Variants in MAP3K15 observed in about 807,000 individuals in gnomAD.
MAP3K15 encodes the protein MAPK/ERK kinase kinase 15.
In MAP3K15, 124 loss-of-function variants were observed where a neutral mutation model predicts 99.5. The ratio of observed to expected loss-of-function variants is 1.25; its 90% confidence interval spans 1.08 to 1.45. The LOEUF (loss-of-function observed/expected upper bound fraction) is 1.45, where lower values mean the gene tolerates loss of function less well. Ranked by LOEUF, MAP3K15 falls within the 40% of genes most tolerant of loss-of-function variation. The pLI is 0.00. For synonymous variants in MAP3K15, 494 were observed against 439.6 expected (o/e 1.12, Z -1.55); for missense variants, 1,242 against 1,079.7 (o/e 1.15, Z -2.11).
In MAP3K15 at chrX:19,426,304, C is replaced by A. The variant is rs374377938; in HGVS notation, c.1206G>T (p.Ser402=). The A allele has an allele frequency of 1.4e-5, 16 of 1,162,774 alleles. No homozygotes were observed. The African/African-American group carries it at 2.7e-4, about 19-fold the overall frequency. ...KGFELQSSLY[S]GINLAVLLIV... ...TCAGCAAAACTGCAAGATTAATTCC[C>A]GAATAGAGGGATGACTGGAGTTCAA... The change falls in exon 8 of 29, where the codon TCG becomes TCT. Residue 402 remains serine, a synonymous_variant. Coordinates refer to ENST00000338883, the MANE Select transcript of MAP3K15 (RefSeq NM_001001671.4).
chrX:19,401,360 G>A (rs898125039), intron 13 of MAP3K15, among the ~76,000 whole-genome samples: 6 of 110,245 alleles, frequency 5.4e-5, no homozygotes, highest in Admixed American at 9.7e-5. Flanking sequence ...CACCAAGCCC[G>A]GCTAATTTTT....
chrX:19,490,180 C>CACACACACACATAT (rs1478553894), intron 1 of MAP3K15, among the ~76,000 whole-genome samples: 10 of 95,103 alleles, frequency 1.1e-4, no homozygotes, highest in African/African-American at 3.7e-4. Flanking sequence ...CACACACACA[C>CACACACACACATAT]ACACATACAT....
At position 19,431,471 on chromosome X, in the gene MAP3K15, T is replaced by C. The variant is rs376514232; in HGVS notation, c.1133A>G (p.Lys378Arg). The change falls in exon 7 of 29, where the codon AAA becomes AGA. Residue 378 changes from lysine (K) to arginine (R), a missense_variant. Physicochemically the swap from Lys to Arg is conservative, Grantham distance 26. Transcript: ENST00000338883. ...YKDIFLDSDC[K>R]DDTSRDSAIE... The stretch of plus-strand genomic sequence containing the variant: ...GGCGCTGTCGCGGCTGGTGTCATCT[T>C]TGCAGTCTGAATCCAAGAAGATGTC... 7.5e-6 allele frequency: 9 copies of C among 1,198,577 alleles called. No homozygotes were observed. Among genetic ancestry groups the C allele is most frequent in the Non-Finnish European group, 1.0e-5 (9 of 894,951 alleles).
At chrX:19,504,285 G>A (rs1452435418) in intron 1 of MAP3K15, among the ~76,000 whole-genome samples, 2 of 111,762 alleles carry the variant, frequency 1.8e-5, no homozygotes, top group East Asian at 2.8e-4. Flanking sequence ...TTTAATCCCC[G>A]ATCTTCAAGT....
At position 19,360,739 on chromosome X, in the gene MAP3K15, C is replaced by A. The variant is rs1190707899; in HGVS notation, c.*10G>T. 8.4e-7 allele frequency: 1 copy of A among 1,194,090 alleles called. No individual in the cohort carries two copies. Among genetic ancestry groups the A allele is most frequent in the East Asian group, 3.0e-5 (1 of 33,728 alleles). On this transcript the variant is annotated 3_prime_UTR_variant, in exon 29 of 29. Transcript: ENST00000338883. ...GGTGGGACACTCTGCCACAGCTTAGCTGATTGGTATCAAGCCTTGTCTTTG... is the reference window on the plus strand; with the variant it reads ...GGTGGGACACTCTGCCACAGCTTAGATGATTGGTATCAAGCCTTGTCTTTG...
rs867091312 is a variant in MAP3K15, at chrX:19,380,134, C to T, written c.2575G>A (p.Ala859Thr). 1.3e-5 allele frequency: 16 copies of T among 1,191,500 alleles called. No individual in the cohort carries two copies. The highest frequency in any genetic ancestry group is 7.2e-5 in the Admixed American group (3 of 41,772). ...GCATGACTTACTTTGAACATGGCTG[C>T]CTGCGGCTCACCAAGCTCATGGAAC... ...PPFHELGEPQ[A>T]AMFKVGMFKI... Residue 859 changes from alanine (A) to threonine (T), a missense_variant, in exon 19 of 29, where the codon GCA (alanine) becomes ACA (threonine). Transcript: ENST00000338883.
chrX:19,394,789 CTTT>C (rs144723219), intron 16 of MAP3K15, among the ~76,000 whole-genome samples: 3 of 17,524 alleles, frequency 1.7e-4, no homozygotes, highest in African/African-American at 4.1e-4. Context: ...GGGTCTGTTG[CTTT>C]TTTTTTTTTT....
chrX:19,493,367 T>A (rs1427093941), intron 1 of MAP3K15, among the ~76,000 whole-genome samples: 5 of 100,942 alleles, frequency 5.0e-5, no homozygotes, highest in Admixed American at 1.1e-4. Flanking sequence ...AAAAAAAAAA[T>A]TCTGAGCAAT....
rs144389481 is a variant in MAP3K15, at chrX:19,403,460, C to CTTTTTT, written c.1845-2803_1845-2798dup. Among the ~76,000 whole-genome samples, 228 of 86,968 alleles carry CTTTTTT rather than the reference C, an allele frequency of 2.6e-3. 2 individuals are homozygous for CTTTTTT. Among genetic ancestry groups the CTTTTTT allele is most frequent in the African/African-American group, 0.01 (220 of 21,740 alleles). 75.5% of individuals were successfully genotyped at this position (86,968 alleles called of 115,157 possible). On this transcript the variant is annotated intron_variant, in intron 13 of 28. Transcript: ENST00000338883. ...TCCCTAGTCTGCTATTTATTCTATT[C>CTTTTTT]TTTTTTTTTTTTTTTTTTGACAGGA...
Position 19,360,267 on chromosome X carries a change from G to T in MAP3K15, c.*482C>A, listed in dbSNP as rs5955761. ...GTATCAGTTTTGTGTTTCTCAAATT[G>T]AAGTACCATACCAGTTCTGAGGCAG... On this transcript the variant is annotated 3_prime_UTR_variant, in exon 29 of 29. Coordinates refer to ENST00000338883, the MANE Select transcript of MAP3K15 (RefSeq NM_001001671.4). 0.057 allele frequency: 7,715 copies of T among 134,872 alleles called. 325 individuals are homozygous for T. The highest frequency in any genetic ancestry group is 0.15 in the African/African-American group (4,739 of 31,090). 11.1% of individuals were successfully genotyped at this position (134,872 alleles called of 1,213,427 possible). A position where few individuals can be genotyped will look rare whatever the true frequency, so the allele number is the denominator to read the frequency against.
chrX:19,392,621 C>A, intron 16 of MAP3K15, 148 bp from the exon 17 acceptor site: 1 of 541,707 alleles, frequency 1.8e-6, no homozygotes, highest in Admixed American at 3.9e-5. Context: ...GTTTCCTCCC[C>A]TCTGTAGCTA....
chrX:19,371,633 G>C (rs1463462976), intron 22 of MAP3K15, 103 bp from the exon 23 acceptor site: 1 of 757,368 alleles, frequency 1.3e-6, no homozygotes, highest in Non-Finnish European at 1.9e-6. Context: ...GAAACTTGTG[G>C]AACTCCCAGG....
rs2063704491 is a variant in MAP3K15 at position 19,413,338 on chromosome X, T to G, written c.1698+19A>C. On this transcript the variant is annotated intron_variant, in intron 11 of 28. Transcript: ENST00000338883. ...CTATTTGAAAACTGATTAAATTGCTTGTGATTTTTCCTCCTTACCATTTCT... is the reference window on the plus strand; with the variant it reads ...CTATTTGAAAACTGATTAAATTGCTGGTGATTTTTCCTCCTTACCATTTCT... 7.9e-6 allele frequency: 9 copies of G among 1,138,656 alleles called. No individual in the cohort carries two copies. Among genetic ancestry groups the G allele is most frequent in the Non-Finnish European group, 1.1e-5 (9 of 834,632 alleles). The allele number at this position is 1,138,656 out of a possible 1,213,427, so 93.8% of individuals were successfully genotyped here.
intron 6 of MAP3K15, among the ~76,000 whole-genome samples, chrX:19,442,940 T>C (rs1293576174): frequency 3.0e-5 from 3 of 100,901 alleles, no homozygotes; most frequent in Non-Finnish European, 6.0e-5. Flanking sequence ...GCCAGGCTGG[T>C]CTCAAACTCC....
intron 15 of MAP3K15, among the ~76,000 whole-genome samples, chrX:19,396,754 A>G (rs1452092644): frequency 9.0e-6 from 1 of 111,261 alleles, no homozygotes; most frequent in Non-Finnish European, 1.9e-5. Context: ...ATTCTTCAGC[A>G]CTCGACACTG....
chrX:19,381,944 G>T (rs990890599), intron 18 of MAP3K15, among the ~76,000 whole-genome samples: 4 of 111,745 alleles, frequency 3.6e-5, no homozygotes, highest in Middle Eastern at 4.3e-3. Flanking sequence ...ACAACTAAAG[G>T]TTTAATCAAT....
At chrX:19,377,676 C>A (rs745941596) in intron 19 of MAP3K15, among the ~76,000 whole-genome samples, 24 of 112,273 alleles carry the variant, frequency 2.1e-4, no homozygotes, top group Non-Finnish European at 4.3e-4. Context: ...CGGAAGTCAG[C>A]AGCAGGTCAA....
Position 19,413,935 on chromosome X carries a change from C to T in MAP3K15, c.1591-471G>A, listed in dbSNP as rs969736901. ...GGGCACTTTGGGAGGCCAAAGCAGG[C>T]GGATCACTTGAGGTCAGGAGTTCGA... On this transcript the variant is annotated intron_variant, in intron 10 of 28. Coordinates refer to ENST00000338883, the MANE Select transcript of MAP3K15 (RefSeq NM_001001671.4). Among the ~76,000 whole-genome samples, 9 of 108,747 alleles carry T rather than the reference C, an allele frequency of 8.3e-5. No homozygotes were observed. The South Asian group carries it at 1.6e-3, about 19-fold the overall frequency. The allele number at this position is 108,747 out of a possible 115,157, so 94.4% of individuals were successfully genotyped here. A position where few individuals can be genotyped will look rare whatever the true frequency, so the allele number is the denominator to read the frequency against.
intron 9 of MAP3K15, among the ~76,000 whole-genome samples, chrX:19,420,649 T>A (rs1251952629): frequency 9.0e-6 from 1 of 111,206 alleles, no homozygotes; most frequent in Non-Finnish European, 1.9e-5. Context: ...TTCCAATCAA[T>A]AGAAAAAGAG....
Sources: allele counts gnomAD v4.1 joint callset (sites outside exome capture counted in the v4.1 genomes callset), GRCh38; gene constraint gnomAD v4.1.1; transcripts MANE v1.5; gene names NCBI Gene and HGNC (gene_info 2026-07-23, HGNC 2026-07-21).